MICU1: variants seen among roughly 807,000 people sequenced by gnomAD.
MICU1 encodes calcium uptake protein 1, mitochondrial.
Under a neutral mutation model 56.8 loss-of-function variants are expected in MICU1, and 45 were observed. That is an observed-to-expected ratio of 0.79 (90% CI 0.62 to 1.02). MICU1 has a LOEUF of 1.02. MICU1 is among the 50% of genes least tolerant of loss of function. The probability of loss-of-function intolerance (pLI) is 0.00; values close to 1 mark genes in which losing one functional copy is unlikely to be tolerated. For synonymous variants in MICU1, 186 were observed against 195.1 expected, an observed-to-expected ratio of 0.95 and a Z score of 0.39; for missense variants, 504 against 587.1, an observed-to-expected ratio of 0.86 and a Z score of 1.46.
intron 8 of MICU1, among the ~76,000 whole-genome samples, chr10:72,449,629 T>C (rs943442451): frequency 2.6e-5 from 4 of 152,090 alleles, no homozygotes; most frequent in African/African-American, 9.7e-5. Context: ...TTCTTTCTGG[T>C]CATCAAGTTA....
intron 8 of MICU1, among the ~76,000 whole-genome samples, chr10:72,442,936 T>C (rs1485903767): frequency 5.9e-5 from 9 of 152,164 alleles, no homozygotes; most frequent in Admixed American, 5.9e-4. Context: ...TTTGTATTTT[T>C]GGTAGAGATG....
At chr10:72,475,062 C>A in intron 8 of MICU1, 38 bp downstream of exon 8, 1 of 1,563,612 alleles carries the variant, frequency 6.4e-7, no homozygotes, top group South Asian at 1.2e-5. Context: ...CCATCAGTTC[C>A]ACATGTGATG....
intron 8 of MICU1, 127 bp from the exon 9 acceptor site, chr10:72,423,498 A>G: frequency 8.8e-7 from 1 of 1,133,618 alleles, no homozygotes; most frequent in Non-Finnish European, 1.2e-6. Context: ...TTGAGGTACA[A>G]TTCTCAGTAA....
At chr10:72,400,217 C>T (rs139262374) in intron 10 of MICU1, among the ~76,000 whole-genome samples, 1,746 of 152,026 alleles carry the variant, frequency 0.011, 19 homozygotes, top group Non-Finnish European at 0.019. Context: ...CAGCAAAAGG[C>T]CTGAAGTCAT....
intron 6 of MICU1, among the ~76,000 whole-genome samples, chr10:72,492,835 G>A (rs1156265749): frequency 4.0e-5 from 3 of 75,196 alleles, no homozygotes; most frequent in Non-Finnish European, 1.0e-4. Context: ...AATGTATATG[G>A]GCCAGGTGTG....
At chr10:72,553,206 T>A (rs1379069440) in intron 3 of MICU1, among the ~76,000 whole-genome samples, 2 of 151,150 alleles carry the variant, frequency 1.3e-5, no homozygotes, top group African/African-American at 2.4e-5. Context: ...TGCTGGGAAA[T>A]AATGGCTACA....
At chr10:72,461,793 T>C (rs771888251) in intron 8 of MICU1, among the ~76,000 whole-genome samples, 7 of 152,164 alleles carry the variant, frequency 4.6e-5, no homozygotes, top group Non-Finnish European at 8.8e-5. Flanking sequence ...CTACTAACAA[T>C]ACATGAAATT....
At chr10:72,509,345 C>A (rs1176499225) in intron 5 of MICU1, 2 of 1,320,680 alleles carry the variant, frequency 1.5e-6, no homozygotes, top group Non-Finnish European at 2.0e-6. Flanking sequence ...GAAAACTAAA[C>A]CAACAAGCAC....
intron 1 of MICU1, among the ~76,000 whole-genome samples, chr10:72,585,282 T>C (rs184533018): frequency 3.3e-5 from 5 of 152,268 alleles, no homozygotes; most frequent in African/African-American, 4.8e-5. Context: ...GTTCATTTTT[T>C]ATCTAAAGCT....
At chr10:72,550,325 G>A (rs1438691891) in intron 4 of MICU1, among the ~76,000 whole-genome samples, 1 of 152,062 alleles carries the variant, frequency 6.6e-6, no homozygotes, top group Non-Finnish European at 1.5e-5. Flanking sequence ...TATAGTCTAG[G>A]AACAATAGGC....
intron 1 of MICU1, among the ~76,000 whole-genome samples, chr10:72,592,585 G>A (rs984735017): frequency 3.8e-4 from 57 of 151,686 alleles, no homozygotes; most frequent in African/African-American, 1.4e-3. Context: ...ACAAAATACC[G>A]GCAAACCAAA....
intron 8 of MICU1, among the ~76,000 whole-genome samples, chr10:72,455,179 G>A (rs1030802995): frequency 4.6e-5 from 7 of 151,630 alleles, no homozygotes; most frequent in African/African-American, 1.5e-4. Context: ...GCGAAACCCC[G>A]TTTCTACTGA....
At chr10:72,582,132 T>C (rs1260312227) in intron 1 of MICU1, among the ~76,000 whole-genome samples, 1 of 152,172 alleles carries the variant, frequency 6.6e-6, no homozygotes, top group Non-Finnish European at 1.5e-5. Context: ...TTTCACCATG[T>C]TGGTCAGGCT....
rs533702573 is a variant in MICU1, at chr10:72,562,147, CTTTTT to C, written c.330+743_330+747del. 3.4e-4 allele frequency among the ~76,000 whole-genome samples: 28 copies of C among 82,650 alleles called. 1 individual carries two copies. Among genetic ancestry groups the C allele is most frequent in the Non-Finnish European group, 5.3e-4 (24 of 45,674 alleles). 54.2% of individuals were successfully genotyped at this position (82,650 alleles called of 152,430 possible). On this transcript the variant is annotated intron_variant, in intron 3 of 11. Coordinates refer to ENST00000361114, the MANE Select transcript of MICU1 (RefSeq NM_001195518.2). The stretch of plus-strand genomic sequence containing the variant: ...GCAGGTTGTGTTAATTACATAAAAT[CTTTTT>C]TTTTTTTTTTTTTTTTTTTGAGACT...
intron 5 of MICU1, chr10:72,523,726 T>G (rs1867889413): frequency 9.6e-7 from 1 of 1,037,252 alleles, no homozygotes. Flanking sequence ...AGAGTAATAT[T>G]TTAATGAATA....
chr10:72,397,800 A>G (rs1485798858), intron 10 of MICU1, among the ~76,000 whole-genome samples: 2 of 152,230 alleles, frequency 1.3e-5, no homozygotes, highest in African/African-American at 4.8e-5. Flanking sequence ...TTAGAGACCT[A>G]CAAAGAGACC....
intron 4 of MICU1, among the ~76,000 whole-genome samples, chr10:72,541,049 A>C (rs1218470972): frequency 6.6e-6 from 1 of 152,264 alleles, no homozygotes; most frequent in East Asian, 1.9e-4. Context: ...TGGGATCTGC[A>C]GATGAAAGTG....
chr10:72,379,042 C>A (rs143852679), intron 10 of MICU1, among the ~76,000 whole-genome samples: 2 of 152,262 alleles, frequency 1.3e-5, no homozygotes, highest in African/African-American at 4.8e-5. Flanking sequence ...GGGAAATCTA[C>A]AAGACTATAG....
rs1564939851 is a variant in MICU1 at position 72,569,239 on chromosome 10, T to TATA, written c.-1-2446_-1-2445insTAT. On this transcript the variant is annotated intron_variant, in intron 1 of 11. Coordinates refer to ENST00000361114, the MANE Select transcript of MICU1 (RefSeq NM_001195518.2). The stretch of plus-strand genomic sequence containing the variant: ...TATATATATATATATATATATATAT[T>TATA]TTTTTTTTTTTTTGAGATGGCGTCT... 1.8e-4 allele frequency among the ~76,000 whole-genome samples: 12 copies of TATA among 67,944 alleles called. No individual in the cohort carries two copies. In the East Asian group the frequency reaches 4.2e-3, roughly 24 times the overall value. The allele number at this position is 67,944 out of a possible 152,430, so 44.6% of individuals were successfully genotyped here.
Sources: gnomAD v4.1 joint callset for allele counts (sites outside exome capture counted in the v4.1 genomes callset) on GRCh38, gnomAD v4.1.1 for gene constraint, MANE v1.5 for transcripts, NCBI Gene and HGNC (gene_info 2026-07-23, HGNC 2026-07-21) for gene names.